Variants in ZNF609 observed in about 807,000 individuals in gnomAD.
ZNF609 encodes the protein zinc finger protein 609.
Under a neutral mutation model 109.5 loss-of-function variants are expected in ZNF609, and 11 were observed. The ratio of observed to expected loss-of-function variants is 0.10; its 90% CI spans 0.06 to 0.17. The LOEUF (loss-of-function observed/expected upper bound fraction) is 0.17, where lower values mean the gene tolerates loss of function less well. Ranked by LOEUF, ZNF609 falls within the 10% of genes least tolerant of loss-of-function variation. ZNF609 has a pLI of 1.00. For missense variants in ZNF609, 1,559 were observed against 1,772.4 expected (o/e 0.88, Z 2.16); for synonymous variants, 646 against 662.0 (o/e 0.98, Z 0.37).
chr15:64,486,833 T>C (rs1041550537), intron 1 of ZNF609, among the ~76,000 whole-genome samples: 1 of 152,162 alleles, frequency 6.6e-6, no homozygotes, highest in Non-Finnish European at 1.5e-5. Flanking sequence ...CAAGTTGACC[T>C]GAAGTAATCT....
intron 2 of ZNF609, among the ~76,000 whole-genome samples, chr15:64,505,581 T>C (rs1242489156): frequency 6.6e-6 from 1 of 152,178 alleles, no homozygotes; most frequent in Non-Finnish European, 1.5e-5. Context: ...GTTTACCGTC[T>C]ACAGCAGAGT....
At chr15:64,650,239 C>T (rs949885010) in intron 3 of ZNF609, among the ~76,000 whole-genome samples, 10 of 149,778 alleles carry the variant, frequency 6.7e-5, no homozygotes, top group African/African-American at 2.5e-4. Context: ...CCCCCTGTCT[C>T]TACTAAAATA....
At chr15:64,570,367 T>C (rs566510042) in intron 2 of ZNF609, among the ~76,000 whole-genome samples, 1 of 152,354 alleles carries the variant, frequency 6.6e-6, no homozygotes, top group Admixed American at 6.5e-5. Context: ...AAAAGGCATT[T>C]GAGATGGTTA....
At chr15:64,475,612 C>T (rs1168919515) in intron 1 of ZNF609, among the ~76,000 whole-genome samples, 1 of 151,820 alleles carries the variant, frequency 6.6e-6, no homozygotes, top group Non-Finnish European at 1.5e-5. Context: ...AGGCTGGTCT[C>T]GAACTCCTGA....
At chr15:64,633,319 G>A (rs1043502915) in intron 3 of ZNF609, among the ~76,000 whole-genome samples, 1 of 151,946 alleles carries the variant, frequency 6.6e-6, no homozygotes, top group Non-Finnish European at 1.5e-5. Context: ...GGCTAATTTT[G>A]TATTTTTTGT....
intron 1 of ZNF609, among the ~76,000 whole-genome samples, chr15:64,494,975 A>G (rs571524296): frequency 6.6e-6 from 1 of 152,324 alleles, no homozygotes; most frequent in Admixed American, 6.5e-5. Context: ...TCAGTTTATT[A>G]ATATCACACT....
intron 6 of ZNF609, among the ~76,000 whole-genome samples, chr15:64,679,217 C>G (rs1896846862): frequency 6.6e-6 from 1 of 152,154 alleles, no homozygotes; most frequent in Non-Finnish European, 1.5e-5. Context: ...GGATTACAGG[C>G]ATGTGCCACC....
chr15:64,559,931 T>C (rs2140402232), intron 2 of ZNF609, among the ~76,000 whole-genome samples: 1 of 152,314 alleles, frequency 6.6e-6, no homozygotes, highest in African/African-American at 2.4e-5. Flanking sequence ...GAAGTTAAAA[T>C]GATAAACAGA....
At chr15:64,610,276 A>G (rs1316292734) in intron 2 of ZNF609, among the ~76,000 whole-genome samples, 1 of 152,160 alleles carries the variant, frequency 6.6e-6, no homozygotes, top group African/African-American at 2.4e-5. Context: ...GAACACATGG[A>G]CACTTAGAGG....
intron 2 of ZNF609, among the ~76,000 whole-genome samples, chr15:64,598,272 G>A (rs936488394): frequency 7.2e-5 from 11 of 151,926 alleles, no homozygotes; most frequent in Admixed American, 1.3e-4. Flanking sequence ...GCACCACCAC[G>A]CCTGGCTAAT....
intron 2 of ZNF609, among the ~76,000 whole-genome samples, chr15:64,577,008 G>GTATATATACACATAAATATA (rs1567019051): frequency 9.8e-5 from 11 of 112,326 alleles, no homozygotes; most frequent in African/African-American, 2.2e-4. Context: ...ATATATATAT[G>GTATATATACACATAAATATA]TATGTATACA....
chr15:64,659,709 C>A (rs1896545897), intron 3 of ZNF609, among the ~76,000 whole-genome samples: 1 of 152,102 alleles, frequency 6.6e-6, no homozygotes, highest in African/African-American at 2.4e-5. Flanking sequence ...GAATAATGAC[C>A]CTGAGTCATC....
intron 2 of ZNF609, chr15:64,528,789 C>T (rs886892577): frequency 1.6e-5 from 13 of 833,820 alleles, no homozygotes; most frequent in Admixed American, 7.2e-5. Context: ...GCCCCAGCAT[C>T]GAAGGTAGAA....
At chr15:64,609,290 A>G (rs976825172) in intron 2 of ZNF609, among the ~76,000 whole-genome samples, 2 of 151,260 alleles carry the variant, frequency 1.3e-5, no homozygotes, top group African/African-American at 4.9e-5. Context: ...GGTTCAAGCA[A>G]TTGTCATGCC....
chr15:64,618,959 A>G (rs1337738772), intron 2 of ZNF609, among the ~76,000 whole-genome samples: 1 of 152,122 alleles, frequency 6.6e-6, no homozygotes, highest in Non-Finnish European at 1.5e-5. Context: ...CTATCTACCT[A>G]GGTCCGTGGA....
At chr15:64,573,972 C>T (rs1446777473) in intron 2 of ZNF609, among the ~76,000 whole-genome samples, 1 of 152,012 alleles carries the variant, frequency 6.6e-6, no homozygotes, top group African/African-American at 2.4e-5. Context: ...TGTTTAGGAA[C>T]TTGCTGTATG....
intron 3 of ZNF609, among the ~76,000 whole-genome samples, chr15:64,661,221 C>G (rs1040751938): frequency 6.6e-5 from 10 of 152,182 alleles, no homozygotes; most frequent in African/African-American, 2.4e-4. Context: ...CTTGGCCTCC[C>G]AAAGTGCTGG....
intron 2 of ZNF609, among the ~76,000 whole-genome samples, chr15:64,513,390 G>C (rs1893761508): frequency 6.6e-6 from 1 of 152,200 alleles, no homozygotes; most frequent in Non-Finnish European, 1.5e-5. Context: ...AGAATGTAGG[G>C]ATTTGAAATC....
chr15:64,654,661 C>T (rs186098732), intron 3 of ZNF609, among the ~76,000 whole-genome samples: 6 of 152,224 alleles, frequency 3.9e-5, no homozygotes, highest in Admixed American at 3.3e-4. Flanking sequence ...GAGATCATGT[C>T]TTCTATTTCT....
Sources: allele counts gnomAD v4.1 joint callset (sites outside exome capture counted in the v4.1 genomes callset), GRCh38; gene constraint gnomAD v4.1.1; transcripts MANE v1.5; gene names NCBI Gene and HGNC (gene_info 2026-07-23, HGNC 2026-07-21).